HSPA9: variants seen among roughly 807,000 people sequenced by gnomAD.
HSPA9 encodes the protein heat shock protein family A (Hsp70) member 9.
In HSPA9, 28 loss-of-function variants were observed where a neutral mutation model predicts 81.5. The observed-to-expected ratio is 0.34, with a 90% CI of 0.25 to 0.47. HSPA9 has a LOEUF of 0.47. HSPA9 is among the 20% of genes least tolerant of loss of function. The pLI is 1.00. For missense variants in HSPA9, 678 were observed against 838.0 expected, an observed-to-expected ratio of 0.81 and a Z score of 2.36; for synonymous variants, 293 against 290.4, an observed-to-expected ratio of 1.01 and a Z score of -0.09.
chr5:138,574,038 C>A (rs750992062), intron 2 of HSPA9, 30 bp downstream of exon 2: 2 of 1,556,074 alleles, frequency 1.3e-6, no homozygotes, highest in African/African-American at 1.4e-5. Flanking sequence ...AATATGTATT[C>A]CCTCTCAAAG....
At chr5:138,556,364 T>A in intron 16 of HSPA9, 88 bp downstream of exon 16, 1 of 1,451,400 alleles carries the variant, frequency 6.9e-7, no homozygotes, top group Non-Finnish European at 9.6e-7. Flanking sequence ...ATTCCACAAA[T>A]GGCTATGGAG....
intron 3 of HSPA9, among the ~76,000 whole-genome samples, chr5:138,571,960 C>CTTTTTTTTTTTTTTTTT (rs10694029): frequency 8.0e-5 from 8 of 100,446 alleles, no homozygotes; most frequent in African/African-American, 3.4e-4. Flanking sequence ...CTGCGCCTGG[C>CTTTTTTTTTTTTTTTTT]TTTTTTTTTT....
intron 3 of HSPA9, 77 bp downstream of exon 3, chr5:138,573,686 A>G (rs1484137242): frequency 3.2e-5 from 24 of 739,900 alleles, no homozygotes; most frequent in Non-Finnish European, 5.1e-5. Context: ...TCAGGTTCTC[A>G]AATTCCTTAA....
Position 138,555,056 on chromosome 5 carries a change from TGTTAGAGATCTAGAAACTTTC to T in HSPA9, c.*960_*980del, listed in dbSNP as rs1750490352. 6.8e-6 allele frequency: 1 copy of T among 146,310 alleles called. No homozygotes were observed. Among genetic ancestry groups the T allele is most frequent in the Non-Finnish European group, 1.5e-5 (1 of 67,374 alleles). The allele number at this position is 146,310 out of a possible 1,614,324, so 9.1% of individuals were successfully genotyped here. ...CATGTTAGAGATCTAAAAACTTTCA[TGTTAGAGATCTAGAAACTTTC>T]ATGTTAGAGATCTAGAAACTTTCAA... is the stretch of plus-strand genomic sequence containing the variant. On this transcript the variant is annotated 3_prime_UTR_variant, in exon 17 of 17. Transcript: ENST00000297185.
chr5:138,562,087 T>C, intron 9 of HSPA9, among the ~76,000 whole-genome samples: 1 of 151,248 alleles, frequency 6.6e-6, no homozygotes, highest in Non-Finnish European at 1.5e-5. Flanking sequence ...TACAGGCATG[T>C]GCCACCATGC....
At chr5:138,557,718 AG>A (rs1457552161) in intron 13 of HSPA9, 150 bp downstream of exon 13, 2 of 753,990 alleles carry the variant, frequency 2.7e-6, no homozygotes, top group African/African-American at 3.4e-5. Context: ...AGCAATCCAC[AG>A]GCTCAGTGCC....
At chr5:138,563,531 C>T (rs1343279788) in intron 9 of HSPA9, among the ~76,000 whole-genome samples, 2 of 152,128 alleles carry the variant, frequency 1.3e-5, no homozygotes, top group Non-Finnish European at 2.9e-5. Flanking sequence ...TACCAACAGC[C>T]CCCCTACACC....
intron 5 of HSPA9, among the ~76,000 whole-genome samples, chr5:138,568,100 G>C (rs1428059012): frequency 6.6e-6 from 1 of 151,882 alleles, no homozygotes; most frequent in East Asian, 1.9e-4. Flanking sequence ...CGGGAGAATT[G>C]TTTGAACCTG....
At chr5:138,574,834 A>T (rs1241837612) in intron 1 of HSPA9, 5 of 198,688 alleles carry the variant, frequency 2.5e-5, no homozygotes, top group African/African-American at 1.2e-4. Flanking sequence ...GAGCTTTCTT[A>T]TTTTATTTCA....
intron 5 of HSPA9, among the ~76,000 whole-genome samples, chr5:138,568,699 A>T (rs1293980561): frequency 6.6e-6 from 1 of 151,932 alleles, no homozygotes; most frequent in Non-Finnish European, 1.5e-5. Context: ...ATAGAACATT[A>T]CCCCCTACTG....
At position 138,568,915 on chromosome 5, in the gene HSPA9, A is replaced by G; in HGVS notation, c.535+10T>C. On this transcript the variant is annotated intron_variant, in intron 5 of 16. Transcript: ENST00000297185. ...TAGAACTTTCCCAGATGTGAACTAAACCCACTCACCTGCAGTCTCTTTCAT... is the reference window on the plus strand; with the variant it reads ...TAGAACTTTCCCAGATGTGAACTAAGCCCACTCACCTGCAGTCTCTTTCAT... 6.2e-7 allele frequency: 1 copy of G among 1,613,554 alleles called. No individual in the cohort carries two copies. The highest frequency in any genetic ancestry group is 8.5e-7 in the Non-Finnish European group (1 of 1,179,620).
chr5:138,557,687 C>A (rs115300565), intron 13 of HSPA9, among the ~76,000 whole-genome samples, 182 bp downstream of exon 13: 3 of 152,316 alleles, frequency 2.0e-5, no homozygotes, highest in Non-Finnish European at 4.4e-5. Context: ...ACCAACTGGC[C>A]TGTTTGCCCA....
At position 138,554,043 on chromosome 5, in the gene HSPA9, A is replaced by G. The variant is rs1034553858; in HGVS notation, c.*1994T>C. Reference sequence around the variant, plus strand: ...GGACTGTGGGTGGGACCTCGGTTCCATAATTGTGAGCCAGTTTCTTTCTTA... The same window carrying G: ...GGACTGTGGGTGGGACCTCGGTTCCGTAATTGTGAGCCAGTTTCTTTCTTA... On this transcript the variant is annotated 3_prime_UTR_variant, in exon 17 of 17. Transcript: ENST00000297185. Among the ~76,000 whole-genome samples the G allele has an allele frequency of 3.5e-4, 54 of 152,216 alleles. No individual in the cohort carries two copies. The highest frequency in any genetic ancestry group is 1.1e-3 in the African/African-American group (44 of 41,448).
In HSPA9 at chr5:138,553,756, TTTTTGCC is replaced by T. The variant is rs1210036963; in HGVS notation, c.*2274_*2280del. The stretch of plus-strand genomic sequence containing the variant: ...ACTAAAGAATAAAACCAATCATTTC[TTTTTGCC>T]TTTTGTGATAGTTAATTTTATGTGT... On this transcript the variant is annotated 3_prime_UTR_variant, in exon 17 of 17. Transcript: ENST00000297185. Among the ~76,000 whole-genome samples the T allele has an allele frequency of 7.0e-6, 1 of 143,382 alleles. No homozygotes were observed. The highest frequency in any genetic ancestry group is 1.5e-5 in the Non-Finnish European group (1 of 65,894). 94.1% of individuals were successfully genotyped at this position (143,382 alleles called of 152,430 possible).
Position 138,567,703 on chromosome 5 carries a change from T to C in HSPA9, c.555A>G (p.Thr185=). Residue 185 remains threonine, a synonymous_variant, in exon 6 of 17, where the codon ACA becomes ACG. Coordinates refer to ENST00000297185, the MANE Select transcript of HSPA9 (RefSeq NM_004134.7). ...KETAENYLGH[T]AKNAVITVPA... is the part of the protein sequence containing the mutation. ...GGACTGTGATCACAGCATTTTTTGC[T>C]GTGTGCCCCAAGTAATTTTCTGGAA... 6.2e-7 allele frequency: 1 copy of C among 1,613,686 alleles called. No homozygotes were observed. Among genetic ancestry groups the C allele is most frequent in the Non-Finnish European group, 8.5e-7 (1 of 1,179,652 alleles).
At chr5:138,559,673 A>G in intron 11 of HSPA9, 191 bp downstream of exon 11, 1 of 588,974 alleles carries the variant, frequency 1.7e-6, no homozygotes, top group Non-Finnish European at 3.1e-6. Context: ...ACATGTAAGA[A>G]CTTTTCTGGT....
chr5:138,564,806 G>A (rs1163231739), intron 9 of HSPA9, among the ~76,000 whole-genome samples: 1 of 152,120 alleles, frequency 6.6e-6, no homozygotes, highest in Non-Finnish European at 1.5e-5. Flanking sequence ...AACTCTTAGG[G>A]GAAGAGTACC....
intron 10 of HSPA9, 48 bp from the exon 11 acceptor site, chr5:138,560,139 C>A (rs1361857848): frequency 1.4e-6 from 2 of 1,393,200 alleles, no homozygotes; most frequent in Non-Finnish European, 2.0e-6. Flanking sequence ...TGGGAACTAC[C>A]TGAGCAGAAC....
chr5:138,574,279 T>C, intron 1 of HSPA9, 153 bp from the exon 2 acceptor site: 1 of 674,800 alleles, frequency 1.5e-6, no homozygotes, highest in East Asian at 2.7e-5. Flanking sequence ...AAAAGGTAAA[T>C]AAAAGATGGC....
Sources: gnomAD v4.1 joint callset for allele counts (sites outside exome capture counted in the v4.1 genomes callset) on GRCh38, gnomAD v4.1.1 for gene constraint, MANE v1.5 for transcripts, NCBI Gene and HGNC (gene_info 2026-07-23, HGNC 2026-07-21) for gene names.